The following RAB10 variants were observed in gnomAD, a reference collection of about 807,000 sequenced individuals.
RAB10 encodes the protein ras-related protein Rab-10.
A neutral mutation model predicts 25.7 loss-of-function variants in RAB10; 5 were observed. That is an observed-to-expected ratio of 0.19 (90% confidence interval 0.10 to 0.41). RAB10 has a LOEUF of 0.41. Ranked by LOEUF, RAB10 falls within the 10% of genes least tolerant of loss-of-function variation. RAB10 has a pLI of 1.00. For synonymous variants in RAB10, 89 were observed against 86.4 expected, an observed-to-expected ratio of 1.03 and a Z score of -0.16; for missense variants, 103 against 245.8, an observed-to-expected ratio of 0.42 and a Z score of 3.89.
intron 1 of RAB10, among the ~76,000 whole-genome samples, chr2:26,077,717 G>A (rs1666767867): frequency 6.6e-6 from 1 of 152,078 alleles, no homozygotes; most frequent in Admixed American, 6.6e-5. Flanking sequence ...CAGTGGCTCA[G>A]GCCTGTAATC....
chr2:26,063,738 CCA>C (rs773483502), intron 1 of RAB10, among the ~76,000 whole-genome samples: 26 of 152,220 alleles, frequency 1.7e-4, no homozygotes, highest in Middle Eastern at 3.4e-3. Context: ...TAGAACAGAT[CCA>C]GTCGTTACAT....
intron 3 of RAB10, among the ~76,000 whole-genome samples, chr2:26,126,668 A>G (rs542501790): frequency 5.3e-5 from 8 of 152,176 alleles, no homozygotes; most frequent in Non-Finnish European, 4.4e-5. Flanking sequence ...AAAAATTGTC[A>G]TTGGGATCTT....
intron 5 of RAB10, 149 bp downstream of exon 5, chr2:26,128,100 G>C (rs868498836): frequency 1.4e-6 from 1 of 699,560 alleles, no homozygotes; most frequent in Middle Eastern, 2.5e-4. Context: ...TTGGCACCAA[G>C]GACTGGTTTC....
intron 1 of RAB10, among the ~76,000 whole-genome samples, chr2:26,040,742 A>G (rs1262305775): frequency 6.6e-6 from 1 of 152,176 alleles, no homozygotes; most frequent in African/African-American, 2.4e-5. Context: ...TGCCAAAATA[A>G]GGCAGGCCCT....
chr2:26,110,334 T>C (rs1371550544), intron 3 of RAB10, among the ~76,000 whole-genome samples: 2 of 80,220 alleles, frequency 2.5e-5, no homozygotes, highest in Non-Finnish European at 5.2e-5. Flanking sequence ...CAAGACTCCG[T>C]CTCCAAAAAA....
intron 1 of RAB10, among the ~76,000 whole-genome samples, chr2:26,096,427 T>G (rs936756792): frequency 4.2e-5 from 3 of 71,708 alleles, no homozygotes; most frequent in South Asian, 9.7e-4. Flanking sequence ...GATGGCTGGC[T>G]GGCTGGATGG....
Position 26,074,693 on chromosome 2 carries a change from A to T in RAB10, c.128-23969A>T, listed in dbSNP as rs534667745. Among the ~76,000 whole-genome samples, 3 of 152,360 alleles carry T rather than the reference A, an allele frequency of 2.0e-5. No homozygotes were observed. The South Asian group carries it at 6.2e-4, about 32-fold the overall frequency. On this transcript the variant is annotated intron_variant, in intron 1 of 5. Coordinates refer to ENST00000264710, the MANE Select transcript of RAB10 (RefSeq NM_016131.5). ...CTTGGTCTCCCAAAGTGCTGGGATTACAGGCGTGAGCCACTGCACCTGGCC... is the reference window on the plus strand; with the variant it reads ...CTTGGTCTCCCAAAGTGCTGGGATTTCAGGCGTGAGCCACTGCACCTGGCC...
Position 26,034,407 on chromosome 2 carries a change from G to T in RAB10, c.-202G>T. 1 of 664,946 alleles carries T rather than the reference G, an allele frequency of 1.5e-6. No homozygotes were observed. The highest frequency in any genetic ancestry group is 2.0e-5 in the South Asian group (1 of 49,824). 41.2% of individuals were successfully genotyped at this position (664,946 alleles called of 1,614,324 possible). A position where few individuals can be genotyped will look rare whatever the true frequency, so the allele number is the denominator to read the frequency against. The stretch of plus-strand genomic sequence containing the variant: ...GGCTGGGAGAGGCTGCGGAGCCGCG[G>T]TCGCCGCCCTCGGAGGCACTGGACG... On this transcript the variant is annotated 5_prime_UTR_variant, in exon 1 of 6. Transcript: ENST00000264710.
intron 3 of RAB10, among the ~76,000 whole-genome samples, chr2:26,117,561 GC>G (rs1298029167): frequency 6.8e-6 from 1 of 147,494 alleles, no homozygotes; most frequent in Non-Finnish European, 1.5e-5. Context: ...CTTGCAGTGA[GC>G]CAAGGTCGTG....
intron 1 of RAB10, among the ~76,000 whole-genome samples, chr2:26,090,510 T>C (rs934938937): frequency 3.3e-5 from 5 of 151,684 alleles, no homozygotes; most frequent in Non-Finnish European, 7.4e-5. Flanking sequence ...GCCTTTTTTT[T>C]TTATTATTTT....
intron 1 of RAB10, among the ~76,000 whole-genome samples, chr2:26,062,810 A>C (rs1418799027): frequency 6.6e-6 from 1 of 152,132 alleles, no homozygotes; most frequent in Non-Finnish European, 1.5e-5. Context: ...TTGTTGAGCA[A>C]CCTCAAGAAT....
chr2:26,135,512 G>A lies in RAB10; in HGVS notation c.*491G>A, dbSNP rs1245492629. The A allele has an allele frequency of 6.5e-6, 1 of 152,760 alleles. No homozygotes were observed. Among genetic ancestry groups the A allele is most frequent in the East Asian group, 1.9e-4 (1 of 5,198 alleles). The allele number at this position is 152,760 out of a possible 1,614,324, so 9.5% of individuals were successfully genotyped here. ...TCATTTTCGCCTTGAATATGTAAAT[G>A]GGATTAATTTTGTCCTGTGCCTTAT... On this transcript the variant is annotated 3_prime_UTR_variant, in exon 6 of 6. Transcript: ENST00000264710.
chr2:26,041,773 G>A (rs1050821286), intron 1 of RAB10, among the ~76,000 whole-genome samples: 1 of 151,846 alleles, frequency 6.6e-6, no homozygotes, highest in Non-Finnish European at 1.5e-5. Flanking sequence ...GCGTGGTGGC[G>A]CATGCCTGTA....
chr2:26,104,539 C>T (rs535379580), intron 2 of RAB10, among the ~76,000 whole-genome samples: 5 of 152,268 alleles, frequency 3.3e-5, no homozygotes, highest in African/African-American at 1.2e-4. Flanking sequence ...GTTGTCTTTT[C>T]ACCTTGTATT....
At chr2:26,117,170 G>A (rs975747392) in intron 3 of RAB10, among the ~76,000 whole-genome samples, 2 of 152,032 alleles carry the variant, frequency 1.3e-5, no homozygotes, top group African/African-American at 2.4e-5. Flanking sequence ...AGTGTGTTGC[G>A]AATGTCCAAG....
chr2:26,071,741 C>T (rs1379194717), intron 1 of RAB10, among the ~76,000 whole-genome samples: 2 of 151,330 alleles, frequency 1.3e-5, no homozygotes, highest in African/African-American at 4.9e-5. Flanking sequence ...GTCACTCTTG[C>T]CTGTAATTCC....
At chr2:26,069,283 T>G (rs892652795) in intron 1 of RAB10, among the ~76,000 whole-genome samples, 1 of 152,124 alleles carries the variant, frequency 6.6e-6, no homozygotes, top group African/African-American at 2.4e-5. Flanking sequence ...CCCAACAGTT[T>G]TAGGATTAAT....
intron 1 of RAB10, among the ~76,000 whole-genome samples, chr2:26,081,976 G>A (rs547398897): frequency 5.9e-5 from 9 of 152,110 alleles, no homozygotes; most frequent in South Asian, 2.1e-4. Flanking sequence ...AAATTATTCC[G>A]GATGGAAATC....
At chr2:26,105,389 A>T (rs1433222633) in intron 2 of RAB10, among the ~76,000 whole-genome samples, 1 of 152,098 alleles carries the variant, frequency 6.6e-6, no homozygotes, top group Non-Finnish European at 1.5e-5. Flanking sequence ...AATGGCTCAC[A>T]CCTGTAATCT....
Sources: allele counts gnomAD v4.1 joint callset (sites outside exome capture counted in the v4.1 genomes callset), GRCh38; gene constraint gnomAD v4.1.1; transcripts MANE v1.5; gene names NCBI Gene and HGNC (gene_info 2026-07-23, HGNC 2026-07-21).